NDUFS4: variants seen among roughly 807,000 people sequenced by gnomAD.
NDUFS4 encodes the protein NADH dehydrogenase [ubiquinone] iron-sulfur protein 4, mitochondrial.
In NDUFS4, 28 loss-of-function variants were observed where a neutral mutation model predicts 24.3. The ratio of observed to expected loss-of-function variants is 1.15; its 90% confidence interval spans 0.85 to 1.58. The LOEUF is 1.58. NDUFS4 is among the 40% of genes most tolerant of loss of function. The probability of loss-of-function intolerance (pLI) is 0.00; values close to 1 mark genes in which losing one functional copy is unlikely to be tolerated. For missense variants in NDUFS4, 223 were observed against 207.9 expected, an observed-to-expected ratio of 1.07 and a Z score of -0.45; for synonymous variants, 93 against 69.7, an observed-to-expected ratio of 1.34 and a Z score of -1.67.
chr5:53,578,649 A>G (rs1435412919), intron 1 of NDUFS4, among the ~76,000 whole-genome samples: 1 of 152,174 alleles, frequency 6.6e-6, no homozygotes, highest in East Asian at 1.9e-4. Context: ...AGTATATAAA[A>G]TGCATAGTAC....
intron 1 of NDUFS4, among the ~76,000 whole-genome samples, chr5:53,592,799 G>A (rs1006793460): frequency 9.2e-5 from 14 of 152,034 alleles, no homozygotes; most frequent in African/African-American, 2.4e-4. Flanking sequence ...TCTTAAAGTC[G>A]GGTAATAACA....
intron 3 of NDUFS4, 23 bp from the exon 4 acceptor site, chr5:53,658,528 G>A: frequency 6.3e-7 from 1 of 1,581,988 alleles, no homozygotes; most frequent in East Asian, 2.2e-5. Flanking sequence ...GTTAAATCTT[G>A]GAAAAAAATT....
rs754193714 is a variant in NDUFS4 at position 53,603,435 on chromosome 5, A to G, written c.99-17A>G. 6.2e-7 allele frequency: 1 copy of G among 1,605,722 alleles called. No homozygotes were observed. Among genetic ancestry groups the G allele is most frequent in the East Asian group, 2.2e-5 (1 of 44,752 alleles). ...CATTGCCTGGATCCTTTTTTAACTTAAAGTCTTGCACTGCAGGTCGTTGAG... is the reference window on the plus strand; with the variant it reads ...CATTGCCTGGATCCTTTTTTAACTTGAAGTCTTGCACTGCAGGTCGTTGAG... On this transcript the variant is annotated splice_polypyrimidine_tract_variant and intron_variant, in intron 1 of 4. Coordinates refer to ENST00000296684, the MANE Select transcript of NDUFS4 (RefSeq NM_002495.4).
intron 2 of NDUFS4, among the ~76,000 whole-genome samples, chr5:53,620,365 T>C (rs989859298): frequency 6.6e-6 from 1 of 152,172 alleles, no homozygotes; most frequent in Non-Finnish European, 1.5e-5. Context: ...ACTTAATACA[T>C]TAATGATGCA....
At chr5:53,602,375 TAAAG>T (rs879728696) in intron 1 of NDUFS4, among the ~76,000 whole-genome samples, 71 of 152,268 alleles carry the variant, frequency 4.7e-4, no homozygotes, top group Admixed American at 6.5e-4. Flanking sequence ...TTTACAGTGA[TAAAG>T]AATTACATAA....
At chr5:53,634,340 C>A (rs1751490228) in intron 2 of NDUFS4, among the ~76,000 whole-genome samples, 1 of 152,016 alleles carries the variant, frequency 6.6e-6, no homozygotes, top group Non-Finnish European at 1.5e-5. Context: ...TAATTAAGTT[C>A]CTTTATTGCT....
intron 2 of NDUFS4, among the ~76,000 whole-genome samples, chr5:53,640,138 C>T (rs1281277611): frequency 6.6e-6 from 1 of 151,812 alleles, no homozygotes; most frequent in Non-Finnish European, 1.5e-5. Context: ...CCTTGAATCC[C>T]TTGAGAGTAG....
chr5:53,589,346 A>G (rs1749868913), intron 1 of NDUFS4, among the ~76,000 whole-genome samples: 1 of 152,200 alleles, frequency 6.6e-6, no homozygotes, highest in Admixed American at 6.5e-5. Context: ...ACAGAGATTT[A>G]TTTCTTGTTC....
chr5:53,674,620 T>G lies in NDUFS4; in HGVS notation c.425-8498T>G, dbSNP rs548023382. On this transcript the variant is annotated intron_variant, in intron 4 of 4. Coordinates refer to ENST00000296684, the MANE Select transcript of NDUFS4 (RefSeq NM_002495.4). ...TGACTCCACTAGCCTTAAAAAATAA[T>G]TAAAAAAATAAGAGATCTGGATATC... Among the ~76,000 whole-genome samples the G allele has an allele frequency of 1.9e-3, 292 of 152,170 alleles. 1 individual carries two copies. The highest frequency in any genetic ancestry group is 6.6e-3 in the African/African-American group (276 of 41,526).
chr5:53,634,786 T>C (rs1449907525), intron 2 of NDUFS4, among the ~76,000 whole-genome samples: 2 of 152,108 alleles, frequency 1.3e-5, no homozygotes, highest in African/African-American at 4.8e-5. Context: ...TAATGTTATA[T>C]AAGTTCCAGG....
At chr5:53,598,576 G>A (rs1355241945) in intron 1 of NDUFS4, among the ~76,000 whole-genome samples, 3 of 151,976 alleles carry the variant, frequency 2.0e-5, no homozygotes, top group South Asian at 2.1e-4. Context: ...TAAAGGCAGA[G>A]GAGTTGAGAT....
chr5:53,676,927 C>T (rs1443326075), intron 4 of NDUFS4, among the ~76,000 whole-genome samples: 2 of 152,006 alleles, frequency 1.3e-5, no homozygotes, highest in East Asian at 1.9e-4. Flanking sequence ...TGCTAAGGCG[C>T]GAGCACGAGA....
chr5:53,619,244 G>A (rs1349622652), intron 2 of NDUFS4, among the ~76,000 whole-genome samples: 1 of 150,642 alleles, frequency 6.6e-6, no homozygotes, highest in Non-Finnish European at 1.5e-5. Context: ...GCCGAGGCAG[G>A]TGGATCAGGA....
chr5:53,607,742 A>T (rs890818421), intron 2 of NDUFS4, among the ~76,000 whole-genome samples: 11 of 152,196 alleles, frequency 7.2e-5, no homozygotes, highest in African/African-American at 2.4e-4. Flanking sequence ...TTCTAACTAC[A>T]TATCTGTATG....
At chr5:53,682,782 A>ATT (rs1740710305) in intron 4 of NDUFS4, among the ~76,000 whole-genome samples, 1 of 152,070 alleles carries the variant, frequency 6.6e-6, no homozygotes, top group Non-Finnish European at 1.5e-5. Context: ...CATTGCAACT[A>ATT]TTTTAAAGGC....
intron 2 of NDUFS4, among the ~76,000 whole-genome samples, chr5:53,621,334 G>T (rs1488541174): frequency 6.6e-6 from 1 of 151,898 alleles, no homozygotes; most frequent in Non-Finnish European, 1.5e-5. Context: ...TGACCTTTGC[G>T]ATTATATGTG....
chr5:53,569,754 CTG>C (rs1337903740), intron 1 of NDUFS4, among the ~76,000 whole-genome samples: 2 of 152,328 alleles, frequency 1.3e-5, no homozygotes, highest in East Asian at 3.9e-4. Context: ...TCCTTCAAGT[CTG>C]TGCTCCAGGC....
intron 1 of NDUFS4, among the ~76,000 whole-genome samples, chr5:53,600,113 T>TCTCA (rs910560003): frequency 2.7e-5 from 4 of 150,678 alleles, no homozygotes; most frequent in Non-Finnish European, 5.9e-5. Context: ...GATTCTCCTA[T>TCTCA]CTCAGCCTCC....
chr5:53,580,466 T>C (rs945847039), intron 1 of NDUFS4, among the ~76,000 whole-genome samples: 1 of 152,176 alleles, frequency 6.6e-6, no homozygotes, highest in African/African-American at 2.4e-5. Flanking sequence ...AGTTGTTGCC[T>C]AACACTGACT....
Sources: gnomAD v4.1 joint callset for allele counts (sites outside exome capture counted in the v4.1 genomes callset) on GRCh38, gnomAD v4.1.1 for gene constraint, MANE v1.5 for transcripts, NCBI Gene and HGNC (gene_info 2026-07-23, HGNC 2026-07-21) for gene names.